The following TAS2R40 variants were observed in gnomAD, a reference collection of about 807,000 sequenced individuals.
TAS2R40 encodes taste receptor type 2 member 40.
A neutral mutation model predicts 16.5 loss-of-function variants in TAS2R40; 14 were observed. The observed-to-expected ratio is 0.85, with a 90% CI of 0.56 to 1.32. The LOEUF (loss-of-function observed/expected upper bound fraction) is 1.32, where lower values mean the gene tolerates loss of function less well. TAS2R40 is among the 40% of genes most tolerant of loss of function. TAS2R40 has a pLI of 0.00. For synonymous variants in TAS2R40, 152 were observed against 150.2 expected (o/e 1.01, Z -0.09); for missense variants, 350 against 385.9 (o/e 0.91, Z 0.78).
In TAS2R40 at chr7:143,223,047, G is replaced by T. The variant is rs1214009490; in HGVS notation, c.969G>T (p.Leu323=). ...QVPLYLKGQT[L] is the part of the protein sequence containing the mutation. Reference sequence around the variant, plus strand: ...CTCTTTACCTAAAAGGGCAGACTCTGTGACTGGAACTCACGGAGTTCTGCG... The same window carrying T: ...CTCTTTACCTAAAAGGGCAGACTCTTTGACTGGAACTCACGGAGTTCTGCG... The change falls in exon 1 of 1, where the codon CTG becomes CTT. Residue 323 remains leucine, a synonymous_variant. Coordinates refer to ENST00000408947, the MANE Select transcript of TAS2R40 (RefSeq NM_176882.2). 6.3e-7 allele frequency: 1 copy of T among 1,598,058 alleles called. No individual in the cohort carries two copies. The highest frequency in any genetic ancestry group is 1.1e-5 in the South Asian group (1 of 88,948).
In TAS2R40 at chr7:143,223,033, A is replaced by G. The variant is rs1292228531; in HGVS notation, c.955A>G (p.Lys319Glu). ...TCAGCACCAAGTTCCTCTTTACCTA[A>G]AAGGGCAGACTCTGTGACTGGAACT... ...RFQHQVPLYL[K>E]GQTL The change falls in exon 1 of 1, where the codon AAA (lysine) becomes GAA (glutamate). Residue 319 changes from lysine to glutamate, a missense_variant. Transcript: ENST00000408947. 2.5e-6 allele frequency: 4 copies of G among 1,608,214 alleles called. No individual in the cohort carries two copies. Among genetic ancestry groups the G allele is most frequent in the Non-Finnish European group, 3.4e-6 (4 of 1,176,818 alleles).
chr7:143,222,657 C>T lies in TAS2R40; in HGVS notation c.579C>T (p.Asn193=). ...ACTTCTCTGAGACCAATATGGTCAA[C>T]CTGGTATTTTTCTATAACATGGGGA... The part of the protein sequence containing the change: ...KKYFSETNMV[N]LVFFYNMGIF... Residue 193 remains asparagine, a synonymous_variant, in exon 1 of 1, where the codon AAC becomes AAT. Transcript: ENST00000408947. 7 of 1,614,084 alleles carry T rather than the reference C, an allele frequency of 4.3e-6. 1 individual carries two copies. Among genetic ancestry groups the T allele is most frequent in the South Asian group, 3.3e-5 (3 of 91,074 alleles).
rs759661695 is a variant in TAS2R40, at chr7:143,222,684, C to A, written c.606C>A (p.Ile202=). The change falls in exon 1 of 1, where the codon ATC becomes ATA. Residue 202 remains isoleucine (I), a synonymous_variant. Transcript: ENST00000408947. Reference sequence around the variant, plus strand: ...TGGTATTTTTCTATAACATGGGGATCTTCGTTCCTCTGATCATGTTCATCC... The same window carrying A: ...TGGTATTTTTCTATAACATGGGGATATTCGTTCCTCTGATCATGTTCATCC... ...VNLVFFYNMG[I]FVPLIMFILA... The A allele has an allele frequency of 6.2e-7, 1 of 1,614,114 alleles. No individual in the cohort carries two copies. The highest frequency in any genetic ancestry group is 8.5e-7 in the Non-Finnish European group (1 of 1,180,026).
Position 143,222,438 on chromosome 7 carries a change from T to A in TAS2R40, c.360T>A (p.Cys120Ter), listed in dbSNP as rs1047828165. 6.8e-6 allele frequency: 11 copies of A among 1,614,210 alleles called. No homozygotes were observed. Among genetic ancestry groups the A allele is most frequent in the Non-Finnish European group, 9.3e-6 (11 of 1,180,038 alleles). The change falls in exon 1 of 1, where the codon TGT (cysteine) becomes TGA (stop). Residue 120 changes from cysteine (C) to a stop codon, truncating the protein, a stop_gained. Transcript: ENST00000408947. LOFTEE classifies it high-confidence loss of function. ...CTGCCTGGCTCAAAGTCTTCTATTG[T>A]CTTAGAATTGCAAACTTCAATCATC... ...WFAAWLKVFYCLRIANFNHPL... is the reference protein window; with the variant it reads ...WFAAWLKVFY
rs750700482 is a variant in TAS2R40, at chr7:143,222,433, T to A, written c.355T>A (p.Tyr119Asn). The change falls in exon 1 of 1, where the codon TAT becomes AAT. Residue 119 changes from tyrosine (Y) to asparagine (N), a missense_variant. Tyr to Asn is a moderately radical substitution (Grantham distance 143, BLOSUM62 -2). Transcript: ENST00000408947. ...GTTTGCTGCCTGGCTCAAAGTCTTC[T>A]ATTGTCTTAGAATTGCAAACTTCAA... ...LWFAAWLKVF[Y>N]CLRIANFNHP... 49 of 1,614,120 alleles carry A rather than the reference T, an allele frequency of 3.0e-5. No homozygotes were observed. The Middle Eastern group carries it at 4.9e-4, about 16-fold the overall frequency.
At position 143,222,489 on chromosome 7, in the gene TAS2R40, A is replaced by C. The variant is rs371379062; in HGVS notation, c.411A>C (p.Lys137Asn). The change falls in exon 1 of 1, where the codon AAA becomes AAC. Residue 137 changes from lysine (K) to asparagine (N), a missense_variant. Coordinates refer to ENST00000408947, the MANE Select transcript of TAS2R40 (RefSeq NM_176882.2). ...NHPLFFLMKR[K>N]IIVLMPWLLR... ...CTTTGTTCTTCCTGATGAAGAGGAAAATCATAGTGCTGATGCCTTGGCTTC... is the reference window on the plus strand; with the variant it reads ...CTTTGTTCTTCCTGATGAAGAGGAACATCATAGTGCTGATGCCTTGGCTTC... 111 of 1,614,052 alleles carry C rather than the reference A, an allele frequency of 6.9e-5. No homozygotes were observed. The highest frequency in any genetic ancestry group is 1.3e-4 in the Admixed American group (8 of 59,998).
rs778184180 is a variant in TAS2R40 at position 143,222,096 on chromosome 7, A to G, written c.18A>G (p.Thr6=). 1.9e-6 allele frequency: 3 copies of G among 1,612,438 alleles called. No homozygotes were observed. The highest frequency in any genetic ancestry group is 3.3e-5 in the Admixed American group (2 of 59,918). The change falls in exon 1 of 1, where the codon ACA becomes ACG. Residue 6 remains threonine (T), a synonymous_variant. Coordinates refer to ENST00000408947, the MANE Select transcript of TAS2R40 (RefSeq NM_176882.2). MATVN[T]DATDKDISKF... ...CAAAGAGAATGGCAACGGTGAACAC[A>G]GATGCCACAGATAAAGACATATCCA...
rs188336135 is a variant in TAS2R40, at chr7:143,222,895, A to G, written c.817A>G (p.Thr273Ala). ...TCTTTCCACGTCCAACATCTTTGAC[A>G]CTTACAGTTCCTGGAATATTTTGTG... ...LFLSTSNIFD[T>A]YSSWNILCKI... Residue 273 changes from threonine (T) to alanine (A), a missense_variant, in exon 1 of 1, where the codon ACT (threonine) becomes GCT (alanine). Coordinates refer to ENST00000408947, the MANE Select transcript of TAS2R40 (RefSeq NM_176882.2). The G allele has an allele frequency of 6.1e-4, 992 of 1,614,188 alleles. 7 individuals carry two copies. The African/African-American group carries it at 0.011, about 17-fold the overall frequency.
Position 143,222,540 on chromosome 7 carries a change from A to AAGCTTC in TAS2R40, c.468_473dup (p.Ser157_Phe158dup). 1 of 1,614,162 alleles carries AAGCTTC rather than the reference A, an allele frequency of 6.2e-7. No homozygotes were observed. The highest frequency in any genetic ancestry group is 8.5e-7 in the Non-Finnish European group (1 of 1,180,024). ...TCAGGCTGTCAGTGTTGGTTTCCTT[A>AAGCTTC]AGCTTCAGCTTTCCTCTCTCGAGAG... On this transcript the variant is annotated inframe_insertion, in exon 1 of 1. Transcript: ENST00000408947.
In TAS2R40 at chr7:143,222,750, C is replaced by A. The variant is rs1800252120; in HGVS notation, c.672C>A (p.Thr224=). ...TGATCCTCTCTCTCAAGAGACACACCCTACACATGGGAAGCAATGCCACAG... is the reference window on the plus strand; with the variant it reads ...TGATCCTCTCTCTCAAGAGACACACACTACACATGGGAAGCAATGCCACAG... ...TLLILSLKRH[T]LHMGSNATGS... The change falls in exon 1 of 1, where the codon ACC becomes ACA. Residue 224 remains threonine, a synonymous_variant. Transcript: ENST00000408947. 1 of 1,614,024 alleles carries A rather than the reference C, an allele frequency of 6.2e-7. No individual in the cohort carries two copies. The highest frequency in any genetic ancestry group is 8.5e-7 in the Non-Finnish European group (1 of 1,180,020).
chr7:143,222,799 G>T lies in TAS2R40; in HGVS notation c.721G>T (p.Ala241Ser). The part of the protein sequence containing the change: ...ATGSRDPSMK[A>S]HIGAIKATSY... ...AGGGTCCAGGGACCCCAGCATGAAG[G>T]CTCACATAGGGGCCATCAAAGCCAC... Residue 241 changes from alanine to serine, a missense_variant, in exon 1 of 1, where the codon GCT becomes TCT. Coordinates refer to ENST00000408947, the MANE Select transcript of TAS2R40 (RefSeq NM_176882.2). 6.2e-7 allele frequency: 1 copy of T among 1,614,128 alleles called. No individual in the cohort carries two copies.
chr7:143,222,278 G>GGCTCTT lies in TAS2R40; in HGVS notation c.204_209dup (p.Leu69_Leu70dup). The GGCTCTT allele has an allele frequency of 6.2e-7, 1 of 1,614,156 alleles. No individual in the cohort carries two copies. The highest frequency in any genetic ancestry group is 8.5e-7 in the Non-Finnish European group (1 of 1,180,026). ...ATTATGTTGATGCTGAGCTTTTCCA[G>GGCTCTT]GCTCTTGCTACAGATTTGGATGATG... On this transcript the variant is annotated inframe_insertion, in exon 1 of 1. Coordinates refer to ENST00000408947, the MANE Select transcript of TAS2R40 (RefSeq NM_176882.2).
In TAS2R40 at chr7:143,222,570, C is replaced by T. The variant is rs1200942542; in HGVS notation, c.492C>T (p.Val164=). 6.2e-7 allele frequency: 1 copy of T among 1,614,098 alleles called. No homozygotes were observed. The highest frequency in any genetic ancestry group is 1.3e-5 in the African/African-American group (1 of 74,932). ...LSFSFPLSRD[V]FNVYVNSSIP... ...TCAGCTTTCCTCTCTCGAGAGATGT[C>T]TTCAATGTGTATGTGAATAGCTCCA... The change falls in exon 1 of 1, where the codon GTC becomes GTT. Residue 164 remains valine, a synonymous_variant. Coordinates refer to ENST00000408947, the MANE Select transcript of TAS2R40 (RefSeq NM_176882.2).
Position 143,222,522 on chromosome 7 carries a change from G to T in TAS2R40, c.444G>T (p.Leu148=), listed in dbSNP as rs538618791. 1 of 1,614,204 alleles carries T rather than the reference G, an allele frequency of 6.2e-7. No individual in the cohort carries two copies. Among genetic ancestry groups the T allele is most frequent in the East Asian group, 2.2e-5 (1 of 44,886 alleles). ...IIVLMPWLLR[L]SVLVSLSFSF... The stretch of plus-strand genomic sequence containing the variant: ...TGCTGATGCCTTGGCTTCTCAGGCT[G>T]TCAGTGTTGGTTTCCTTAAGCTTCA... Residue 148 remains leucine (L), a synonymous_variant, in exon 1 of 1, where the codon CTG becomes CTT. Coordinates refer to ENST00000408947, the MANE Select transcript of TAS2R40 (RefSeq NM_176882.2).
chr7:143,222,474 C>T lies in TAS2R40; in HGVS notation c.396C>T (p.Phe132=), dbSNP rs1800247213. 6.2e-7 allele frequency: 1 copy of T among 1,614,202 alleles called. No homozygotes were observed. Among genetic ancestry groups the T allele is most frequent in the Non-Finnish European group, 8.5e-7 (1 of 1,180,042 alleles). Residue 132 remains phenylalanine (F), a synonymous_variant, in exon 1 of 1, where the codon TTC becomes TTT. Transcript: ENST00000408947. ...RIANFNHPLF[F]LMKRKIIVLM... ...CAAACTTCAATCATCCTTTGTTCTT[C>T]CTGATGAAGAGGAAAATCATAGTGC...
At position 143,222,131 on chromosome 7, in the gene TAS2R40, T is replaced by C. The variant is rs768613563; in HGVS notation, c.53T>C (p.Val18Ala). ...GATAAAGACATATCCAAGTTCAAGG[T>C]CACCTTCACTTTGGTGGTCTCCGGA... ...ATDKDISKFKVTFTLVVSGIE... is the reference protein window; with the variant it reads ...ATDKDISKFKATFTLVVSGIE... Residue 18 changes from valine (V) to alanine (A), a missense_variant, in exon 1 of 1, where the codon GTC becomes GCC. Physicochemically the swap from Val to Ala is moderately conservative, Grantham distance 64. Transcript: ENST00000408947. 1.9e-6 allele frequency: 3 copies of C among 1,613,824 alleles called. No individual in the cohort carries two copies. The Admixed American group carries it at 5.0e-5, about 27-fold the overall frequency.
chr7:143,222,945 T>C lies in TAS2R40; in HGVS notation c.867T>C (p.Pro289=). 6.2e-7 allele frequency: 1 copy of C among 1,614,218 alleles called. No individual in the cohort carries two copies. The highest frequency in any genetic ancestry group is 8.5e-7 in the Non-Finnish European group (1 of 1,180,032). ...GCAAGATCATCATGGCTGCCTACCC[T>C]GCCGGCCACTCAGTACAACTGATCT... is the stretch of plus-strand genomic sequence containing the variant. ...ILCKIIMAAY[P]AGHSVQLILG... is the part of the protein sequence containing the mutation. Residue 289 remains proline, a synonymous_variant, in exon 1 of 1, where the codon CCT becomes CCC. Coordinates refer to ENST00000408947, the MANE Select transcript of TAS2R40 (RefSeq NM_176882.2).
chr7:143,222,271 T>G lies in TAS2R40; in HGVS notation c.193T>G (p.Phe65Val). 4 of 1,614,166 alleles carry G rather than the reference T, an allele frequency of 2.5e-6. No individual in the cohort carries two copies. Among genetic ancestry groups the G allele is most frequent in the Non-Finnish European group, 3.4e-6 (4 of 1,180,020 alleles). ...TGDRIMLMLS[F>V]SRLLLQIWMM... ...TGACCGCATTATGTTGATGCTGAGC[T>G]TTTCCAGGCTCTTGCTACAGATTTG... The change falls in exon 1 of 1, where the codon TTT (phenylalanine) becomes GTT (valine). Residue 65 changes from phenylalanine (F) to valine (V), a missense_variant. Transcript: ENST00000408947.
In TAS2R40 at chr7:143,222,777, G is replaced by T; in HGVS notation, c.699G>T (p.Gly233=). ...HTLHMGSNAT[G]SRDPSMKAHI... is the part of the protein sequence containing the mutation. The stretch of plus-strand genomic sequence containing the variant: ...TACACATGGGAAGCAATGCCACAGG[G>T]TCCAGGGACCCCAGCATGAAGGCTC... Residue 233 remains glycine (G), a synonymous_variant, in exon 1 of 1, where the codon GGG becomes GGT. Transcript: ENST00000408947. 1.2e-6 allele frequency: 2 copies of T among 1,614,126 alleles called. No individual in the cohort carries two copies. Among genetic ancestry groups the T allele is most frequent in the Non-Finnish European group, 1.7e-6 (2 of 1,180,022 alleles).
Sources: allele counts gnomAD v4.1 joint callset, GRCh38; gene constraint gnomAD v4.1.1; transcripts MANE v1.5; gene names NCBI Gene and HGNC (gene_info 2026-07-23, HGNC 2026-07-21).